The following ZFPM2 variants were observed in gnomAD, a reference collection of about 807,000 sequenced individuals.
The protein encoded by ZFPM2 is zinc finger protein, FOG family member 2.
Under a neutral mutation model 98.6 loss-of-function variants are expected in ZFPM2, and 20 were observed. The observed-to-expected ratio is 0.20, with a 90% CI of 0.14 to 0.29. ZFPM2 has a LOEUF of 0.29. Ranked by LOEUF, ZFPM2 falls within the 10% of genes least tolerant of loss-of-function variation. ZFPM2 has a pLI of 1.00. For missense variants in ZFPM2, 1,310 were observed against 1,388.6 expected (o/e 0.94, Z 0.90); for synonymous variants, 518 against 502.7 (o/e 1.03, Z -0.41).
chr8:105,639,025 C>T (rs1372726418), intron 5 of ZFPM2, among the ~76,000 whole-genome samples: 2 of 152,000 alleles, frequency 1.3e-5, no homozygotes, highest in African/African-American at 4.8e-5. Context: ...TTATTCTCAA[C>T]AGACTCCAGA....
intron 5 of ZFPM2, among the ~76,000 whole-genome samples, chr8:105,679,916 T>G (rs188341920): frequency 4.8e-4 from 73 of 152,280 alleles, no homozygotes; most frequent in Admixed American, 1.6e-3. Context: ...GACTTTATAT[T>G]TCTTCAAGAA....
chr8:105,488,974 A>G (rs1480123547), intron 3 of ZFPM2, among the ~76,000 whole-genome samples: 1 of 152,132 alleles, frequency 6.6e-6, no homozygotes, highest in African/African-American at 2.4e-5. Context: ...ATTTTCTTCT[A>G]TTTCAAGTGT....
At chr8:105,337,138 G>A (rs775289210) in intron 1 of ZFPM2, among the ~76,000 whole-genome samples, 2 of 151,680 alleles carry the variant, frequency 1.3e-5, no homozygotes, top group Non-Finnish European at 2.9e-5. Context: ...CAGCTGGTTT[G>A]CTATTTCTAT....
chr8:105,534,860 G>C (rs764902814), intron 3 of ZFPM2, among the ~76,000 whole-genome samples: 3 of 152,066 alleles, frequency 2.0e-5, no homozygotes, highest in African/African-American at 7.2e-5. Context: ...TGATTGCTTT[G>C]GCTGTGGTGC....
At chr8:105,390,961 A>G (rs1468192911) in intron 1 of ZFPM2, among the ~76,000 whole-genome samples, 2 of 152,194 alleles carry the variant, frequency 1.3e-5, no homozygotes, top group African/African-American at 4.8e-5. Flanking sequence ...GGGTAAAGGT[A>G]TAAAAATGCA....
chr8:105,551,865 A>G (rs1308078572), intron 3 of ZFPM2, among the ~76,000 whole-genome samples: 1 of 152,176 alleles, frequency 6.6e-6, no homozygotes, highest in African/African-American at 2.4e-5. Flanking sequence ...TTGGTTTGTT[A>G]TAGATATCAA....
chr8:105,690,409 TC>T (rs1810849973), intron 5 of ZFPM2, among the ~76,000 whole-genome samples: 1 of 152,080 alleles, frequency 6.6e-6, no homozygotes, highest in South Asian at 2.1e-4. Context: ...GGCCAAACCT[TC>T]AGACTGAGAA....
chr8:105,338,301 T>C (rs999826113), intron 1 of ZFPM2, among the ~76,000 whole-genome samples: 1 of 151,756 alleles, frequency 6.6e-6, no homozygotes, highest in Non-Finnish European at 1.5e-5. Flanking sequence ...AAATTCTTTT[T>C]ATTCTATTTG....
chr8:105,584,051 T>G (rs549872588), intron 4 of ZFPM2, among the ~76,000 whole-genome samples: 1 of 151,810 alleles, frequency 6.6e-6, no homozygotes, highest in African/African-American at 2.4e-5. Context: ...TTTTCTTTGG[T>G]TTTTTTTGGT....
chr8:105,666,371 A>G (rs1257613922), intron 5 of ZFPM2, among the ~76,000 whole-genome samples: 1 of 152,234 alleles, frequency 6.6e-6, no homozygotes, highest in African/African-American at 2.4e-5. Context: ...CACCTGCTCC[A>G]AAGAATACCT....
chr8:105,437,803 G>A (rs866592015), intron 2 of ZFPM2, among the ~76,000 whole-genome samples: 1 of 152,158 alleles, frequency 6.6e-6, no homozygotes, highest in Non-Finnish European at 1.5e-5. Context: ...AGCACTTTAA[G>A]AGGCCCGGGT....
chr8:105,341,175 G>T (rs567688616), intron 1 of ZFPM2, among the ~76,000 whole-genome samples: 1 of 151,896 alleles, frequency 6.6e-6, no homozygotes, highest in African/African-American at 2.4e-5. Flanking sequence ...ACATACCCTC[G>T]TGGGGCTTCC....
At chr8:105,758,311 G>A (rs1253361241) in intron 5 of ZFPM2, among the ~76,000 whole-genome samples, 1 of 152,062 alleles carries the variant, frequency 6.6e-6, no homozygotes, top group African/African-American at 2.4e-5. Context: ...CTGAAAATTT[G>A]GAGAATCTTG....
intron 6 of ZFPM2, chr8:105,795,675 C>A: frequency 5.9e-6 from 2 of 341,186 alleles, no homozygotes; most frequent in Admixed American, 3.9e-5. Context: ...TTTTTAAGTA[C>A]ACCCTGGCAA....
chr8:105,606,450 C>G (rs915771751), intron 4 of ZFPM2, among the ~76,000 whole-genome samples: 2 of 152,024 alleles, frequency 1.3e-5, no homozygotes, highest in Non-Finnish European at 2.9e-5. Flanking sequence ...AATTCTGTCA[C>G]TGCTGAGCTT....
rs761315189 is a variant in ZFPM2, at chr8:105,801,809, A to G, written c.1727A>G (p.Gln576Arg). Residue 576 changes from glutamine (Q) to arginine (R), a missense_variant, in exon 8 of 8, where the codon CAG becomes CGG. Gln to Arg is a conservative substitution (Grantham distance 43). Coordinates refer to ENST00000407775, the MANE Select transcript of ZFPM2 (RefSeq NM_012082.4). ...HKKHYCSSRWQQMAKSPEFPS... is the reference protein window; with the variant it reads ...HKKHYCSSRWRQMAKSPEFPS... ...AAGCATTATTGCAGCAGCCGATGGCAGCAGATGGCTAAGTCCCCAGAGTTC... is the reference window on the plus strand; with the variant it reads ...AAGCATTATTGCAGCAGCCGATGGCGGCAGATGGCTAAGTCCCCAGAGTTC... The G allele has an allele frequency of 6.8e-6, 11 of 1,613,892 alleles. No individual in the cohort carries two copies. In the South Asian group the frequency reaches 1.2e-4, roughly 18 times the overall value.
chr8:105,663,795 T>G (rs1817436961), intron 5 of ZFPM2, among the ~76,000 whole-genome samples: 1 of 152,224 alleles, frequency 6.6e-6, no homozygotes, highest in African/African-American at 2.4e-5. Context: ...AATTTCCAAT[T>G]TAATCAAGTA....
intron 5 of ZFPM2, among the ~76,000 whole-genome samples, chr8:105,771,152 G>T (rs1812971374): frequency 6.6e-6 from 1 of 152,084 alleles, no homozygotes; most frequent in Non-Finnish European, 1.5e-5. Context: ...ATTATTCTCT[G>T]TCACTCCTTC....
At chr8:105,436,026 A>G (rs1177362226) in intron 2 of ZFPM2, among the ~76,000 whole-genome samples, 10 of 152,342 alleles carry the variant, frequency 6.6e-5, no homozygotes, top group Admixed American at 3.3e-4. Context: ...GCTGAAAGCA[A>G]TTAATTAGCA....
Sources: allele counts gnomAD v4.1 joint callset (sites outside exome capture counted in the v4.1 genomes callset), GRCh38; gene constraint gnomAD v4.1.1; transcripts MANE v1.5; gene names NCBI Gene and HGNC (gene_info 2026-07-23, HGNC 2026-07-21).